The following CTNNA3 variants were observed in gnomAD, a reference collection of about 807,000 sequenced individuals.
CTNNA3 encodes catenin alpha-3.
CTNNA3 carries 76 observed loss-of-function variants against 95.7 expected under a neutral mutation model. That is an observed-to-expected ratio of 0.79 (90% CI 0.66 to 0.96). The LOEUF (loss-of-function observed/expected upper bound fraction) is 0.96, where lower values mean the gene tolerates loss of function less well. CTNNA3 is among the 40% of genes least tolerant of loss of function. CTNNA3 has a pLI of 0.00. For missense variants in CTNNA3, 1,191 were observed against 1,089.8 expected (o/e 1.09, Z -1.31); for synonymous variants, 431 against 374.4 (o/e 1.15, Z -1.74).
In CTNNA3 at chr10:67,696,072, T is replaced by A. The variant is rs977912880; in HGVS notation, c.-78A>T. 4.6e-5 allele frequency: 7 copies of A among 152,026 alleles called. No individual in the cohort carries two copies. Among genetic ancestry groups the A allele is most frequent in the African/African-American group, 1.7e-4 (7 of 41,402 alleles). The allele number at this position is 152,026 out of a possible 1,614,324, so 9.4% of individuals were successfully genotyped here. A position where few individuals can be genotyped will look rare whatever the true frequency, so the allele number is the denominator to read the frequency against. ...GTAGGGAATTTTCCAAAAAGAGCTT[T>A]GTGGGGGACGGAAAAAGGCTTCTTG... On this transcript the variant is annotated 5_prime_UTR_variant, in exon 1 of 18. Coordinates refer to ENST00000433211, the MANE Select transcript of CTNNA3 (RefSeq NM_013266.4).
intron 13 of CTNNA3, among the ~76,000 whole-genome samples, chr10:66,208,919 C>T (rs1010398366): frequency 6.6e-6 from 1 of 151,762 alleles, no homozygotes; most frequent in African/African-American, 2.4e-5. Context: ...TTCAATGTAC[C>T]CCATTGCATC....
chr10:67,724,056 C>T (rs1344596585), intron 1 of CTNNA3, among the ~76,000 whole-genome samples: 5 of 152,140 alleles, frequency 3.3e-5, no homozygotes, highest in Admixed American at 6.5e-5. Flanking sequence ...AGCATGATGC[C>T]CCAGCTGGGC....
At chr10:66,328,905 T>C (rs533646405) in intron 12 of CTNNA3, among the ~76,000 whole-genome samples, 3 of 73,602 alleles carry the variant, frequency 4.1e-5, no homozygotes, top group Admixed American at 1.9e-4. Flanking sequence ...CACACACACA[T>C]ATATACATAT....
At chr10:66,175,113 T>C (rs1308611234) in intron 13 of CTNNA3, among the ~76,000 whole-genome samples, 2 of 152,026 alleles carry the variant, frequency 1.3e-5, no homozygotes, top group East Asian at 3.9e-4. Flanking sequence ...TGATATCTTA[T>C]TTTGCCCCAA....
At chr10:66,666,873 G>A (rs575226040) in intron 9 of CTNNA3, among the ~76,000 whole-genome samples, 16 of 152,038 alleles carry the variant, frequency 1.1e-4, no homozygotes, top group African/African-American at 3.6e-4. Flanking sequence ...GATATGTTAT[G>A]TACTTAAATA....
chr10:67,074,371 G>A (rs1306973619), intron 7 of CTNNA3, among the ~76,000 whole-genome samples: 1 of 82,418 alleles, frequency 1.2e-5, no homozygotes, highest in African/African-American at 6.2e-5. Context: ...TTTTTTTTGA[G>A]ACGGAGTCTC....
intron 7 of CTNNA3, among the ~76,000 whole-genome samples, chr10:67,158,386 C>T (rs1176101851): frequency 6.6e-6 from 1 of 152,140 alleles, no homozygotes; most frequent in Non-Finnish European, 1.5e-5. Flanking sequence ...TTTTAGAAAT[C>T]ATCACTAATA....
intron 5 of CTNNA3, among the ~76,000 whole-genome samples, chr10:67,349,472 T>A (rs1384330121): frequency 1.3e-5 from 2 of 152,162 alleles, no homozygotes; most frequent in African/African-American, 4.8e-5. Context: ...TACTGCATGA[T>A]TCCACCTATA....
intron 10 of CTNNA3, among the ~76,000 whole-genome samples, chr10:66,564,189 C>T (rs116750292): frequency 2.5e-3 from 385 of 152,270 alleles, no homozygotes; most frequent in African/African-American, 8.8e-3. Context: ...AAGGAAAAGA[C>T]TTCGCCAAAA....
At chr10:67,026,892 G>T (rs1853425008) in intron 7 of CTNNA3, among the ~76,000 whole-genome samples, 1 of 152,112 alleles carries the variant, frequency 6.6e-6, no homozygotes, top group Non-Finnish European at 1.5e-5. Flanking sequence ...ACTCTGAGAG[G>T]TTGTAATTTA....
At chr10:67,044,011 C>T (rs1371284161) in intron 7 of CTNNA3, among the ~76,000 whole-genome samples, 1 of 151,312 alleles carries the variant, frequency 6.6e-6, no homozygotes, top group African/African-American at 2.4e-5. Context: ...CTGTGTGATG[C>T]TGAGGTTTGG....
chr10:67,488,672 C>CTTTTTT (rs565227051), intron 5 of CTNNA3, among the ~76,000 whole-genome samples: 9,206 of 130,604 alleles, frequency 0.07, 755 homozygotes, highest in African/African-American at 0.16. Flanking sequence ...TGCCCGGCCT[C>CTTTTTT]TTTTTTTTTT....
At chr10:67,019,534 A>C (rs1040411767) in intron 7 of CTNNA3, among the ~76,000 whole-genome samples, 2 of 152,160 alleles carry the variant, frequency 1.3e-5, no homozygotes, top group African/African-American at 4.8e-5. Flanking sequence ...CTCTTTTCTA[A>C]TTGATTCTTG....
chr10:67,579,898 G>A (rs896956887), intron 3 of CTNNA3, among the ~76,000 whole-genome samples: 1 of 152,178 alleles, frequency 6.6e-6, no homozygotes, highest in Non-Finnish European at 1.5e-5. Context: ...TTTTGATGGG[G>A]TTGTTTGATT....
intron 7 of CTNNA3, among the ~76,000 whole-genome samples, chr10:66,993,917 G>T (rs1851183081): frequency 6.6e-6 from 1 of 152,052 alleles, no homozygotes; most frequent in Admixed American, 6.6e-5. Flanking sequence ...CCAACATTTA[G>T]ACTAAGCTCT....
rs1480748269 is a variant in CTNNA3, at chr10:66,744,015, G to GA, written c.1281+22248dup. 6.6e-4 allele frequency among the ~76,000 whole-genome samples: 95 copies of GA among 145,034 alleles called. 1 individual carries two copies. Among genetic ancestry groups the GA allele is most frequent in the African/African-American group, 2.2e-3 (85 of 38,972 alleles). ...AAAAAAAAAAGGAAAGAAGGAGGAA[G>GA]AGGAGGAAAAGCAGAAAGAGGGAAG... On this transcript the variant is annotated intron_variant, in intron 9 of 17. Coordinates refer to ENST00000433211, the MANE Select transcript of CTNNA3 (RefSeq NM_013266.4).
At chr10:66,725,246 A>G (rs1408044344) in intron 9 of CTNNA3, among the ~76,000 whole-genome samples, 1 of 152,140 alleles carries the variant, frequency 6.6e-6, no homozygotes, top group Non-Finnish European at 1.5e-5. Context: ...CATAGATACT[A>G]AGGGCCAACT....
At chr10:66,346,096 A>AT (rs2092508285) in intron 12 of CTNNA3, among the ~76,000 whole-genome samples, 2 of 135,382 alleles carry the variant, frequency 1.5e-5, no homozygotes, top group African/African-American at 5.4e-5. Context: ...AAAAAAAAAA[A>AT]GAATATTTAG....
At chr10:67,632,011 T>G (rs1462785086) in intron 2 of CTNNA3, among the ~76,000 whole-genome samples, 2 of 152,096 alleles carry the variant, frequency 1.3e-5, no homozygotes, top group African/African-American at 4.8e-5. Flanking sequence ...GATATAAAAT[T>G]TCAGTTTTAA....
Sources: allele counts gnomAD v4.1 joint callset (sites outside exome capture counted in the v4.1 genomes callset), GRCh38; gene constraint gnomAD v4.1.1; transcripts MANE v1.5; gene names NCBI Gene and HGNC (gene_info 2026-07-23, HGNC 2026-07-21).